The following TMEM196 variants were observed in gnomAD, a reference collection of about 807,000 sequenced individuals.
TMEM196 encodes the protein transmembrane protein 196.
Under a neutral mutation model 20.0 loss-of-function variants are expected in TMEM196, and 17 were observed. The ratio of observed to expected loss-of-function variants is 0.85; its 90% CI spans 0.58 to 1.27. The LOEUF is 1.27. Ranked by LOEUF, TMEM196 falls within the 50% of genes most tolerant of loss-of-function variation. The pLI is 0.00. For synonymous variants in TMEM196, 113 were observed against 88.9 expected, an observed-to-expected ratio of 1.27 and a Z score of -1.52; for missense variants, 267 against 223.0, an observed-to-expected ratio of 1.20 and a Z score of -1.26.
chr7:19,721,736 A>C lies in TMEM196; in HGVS notation c.*392T>G, dbSNP rs964884998. ...TGCACTTTTCAATTACTCATATGAA[A>C]TATGTCATTACAAATATAATAATCA... On this transcript the variant is annotated 3_prime_UTR_variant, in exon 5 of 5. Coordinates refer to ENST00000405844, the MANE Select transcript of TMEM196 (RefSeq NM_001363562.2). 1.6e-5 allele frequency: 3 copies of C among 182,150 alleles called. No homozygotes were observed. The highest frequency in any genetic ancestry group is 7.1e-5 in the African/African-American group (3 of 42,232). 11.3% of individuals were successfully genotyped at this position (182,150 alleles called of 1,614,324 possible).
chr7:19,745,917 A>T (rs74419808), intron 1 of TMEM196, among the ~76,000 whole-genome samples: 3,686 of 152,034 alleles, frequency 0.024, 71 homozygotes, highest in Middle Eastern at 0.065. Context: ...GATTTTAAAA[A>T]ATCAAATAAC....
intron 1 of TMEM196, among the ~76,000 whole-genome samples, chr7:19,744,190 T>C (rs1038199981): frequency 2.0e-5 from 3 of 152,220 alleles, no homozygotes; most frequent in African/African-American, 4.8e-5. Context: ...GTAACAGCTT[T>C]CAGCTTTCTC....
chr7:19,732,768 A>C (rs1180520666), intron 1 of TMEM196, among the ~76,000 whole-genome samples: 1 of 152,220 alleles, frequency 6.6e-6, no homozygotes, highest in Non-Finnish European at 1.5e-5. Flanking sequence ...TAATAAGAAC[A>C]TCAGTCAATT....
At chr7:19,764,053 C>CAGCT (rs1024856754) in intron 1 of TMEM196, among the ~76,000 whole-genome samples, 2 of 152,166 alleles carry the variant, frequency 1.3e-5, no homozygotes, top group Non-Finnish European at 2.9e-5. Flanking sequence ...ATATGCCAGC[C>CAGCT]AGCTGTGAGA....
At chr7:19,739,718 A>G (rs1355132687) in intron 1 of TMEM196, among the ~76,000 whole-genome samples, 1 of 152,210 alleles carries the variant, frequency 6.6e-6, no homozygotes, top group Non-Finnish European at 1.5e-5. Flanking sequence ...TCCCTGAAAT[A>G]CAAATGACTT....
rs200703464 is a variant in TMEM196 at position 19,725,600 on chromosome 7, T to C, written c.373A>G (p.Thr125Ala). The C allele has an allele frequency of 6.6e-5, 106 of 1,613,944 alleles. No individual in the cohort carries two copies. Among genetic ancestry groups the C allele is most frequent in the Non-Finnish European group, 8.6e-5 (102 of 1,179,986 alleles). The change falls in exon 3 of 5, where the codon ACT (threonine) becomes GCT (alanine). Residue 125 changes from threonine (T) to alanine (A), a missense_variant. Thr to Ala is a moderately conservative substitution (Grantham distance 58). Coordinates refer to ENST00000405844, the MANE Select transcript of TMEM196 (RefSeq NM_001363562.2). ...IGGCTLSSWL[T>A]CRLASYEQRR... ...TGTTCATAACTGGCTAGTCGACAAG[T>C]GAGCCAGGAAGAGAGAGTGCAGCCC...
intron 1 of TMEM196, among the ~76,000 whole-genome samples, chr7:19,764,797 T>C (rs1785560854): frequency 6.6e-6 from 1 of 152,130 alleles, no homozygotes; most frequent in Non-Finnish European, 1.5e-5. Context: ...TGCTTGTTGA[T>C]TGATTGACTG....
chr7:19,728,603 T>A (rs1201998044), intron 2 of TMEM196, among the ~76,000 whole-genome samples: 1 of 152,194 alleles, frequency 6.6e-6, no homozygotes, highest in Non-Finnish European at 1.5e-5. Context: ...GAAAACTCTC[T>A]TTAGGCTCAA....
chr7:19,761,511 A>G (rs1255455534), intron 1 of TMEM196, among the ~76,000 whole-genome samples: 1 of 152,216 alleles, frequency 6.6e-6, no homozygotes, highest in African/African-American at 2.4e-5. Context: ...AATAAAATGT[A>G]CAACAGACAC....
At chr7:19,762,083 T>A (rs1785457603) in intron 1 of TMEM196, among the ~76,000 whole-genome samples, 1 of 152,164 alleles carries the variant, frequency 6.6e-6, no homozygotes, top group Admixed American at 6.6e-5. Context: ...TGTTTCTGCT[T>A]CAAAAGTGAC....
At chr7:19,746,750 A>G (rs1232232189) in intron 1 of TMEM196, among the ~76,000 whole-genome samples, 1 of 152,190 alleles carries the variant, frequency 6.6e-6, no homozygotes, top group African/African-American at 2.4e-5. Context: ...CCACATACAA[A>G]TTTTGTATTT....
chr7:19,724,229 T>C (rs1347482696), intron 4 of TMEM196, 51 bp downstream of exon 4: 1 of 1,479,256 alleles, frequency 6.8e-7, no homozygotes, highest in Non-Finnish European at 9.2e-7. Flanking sequence ...GAAGGGGAAG[T>C]GCTTTCTGCA....
intron 1 of TMEM196, among the ~76,000 whole-genome samples, chr7:19,742,740 T>G (rs1030326405): frequency 2.0e-5 from 3 of 152,140 alleles, no homozygotes; most frequent in African/African-American, 7.2e-5. Context: ...CACAATAATT[T>G]TTCAAATAAT....
At chr7:19,748,489 G>A (rs866492069) in intron 1 of TMEM196, among the ~76,000 whole-genome samples, 6 of 152,010 alleles carry the variant, frequency 3.9e-5, no homozygotes, top group African/African-American at 1.2e-4. Context: ...GATTCTGTCC[G>A]CTTAAACGCA....
intron 1 of TMEM196, among the ~76,000 whole-genome samples, chr7:19,749,237 CCTT>C (rs1784871770): frequency 6.6e-6 from 1 of 151,992 alleles, no homozygotes; most frequent in Non-Finnish European, 1.5e-5. Context: ...GAGAAGCCAC[CCTT>C]CTTAGAAGTG....
At chr7:19,731,122 T>A (rs1784186746) in intron 1 of TMEM196, among the ~76,000 whole-genome samples, 2 of 151,994 alleles carry the variant, frequency 1.3e-5, no homozygotes, top group South Asian at 2.1e-4. Context: ...ATAGAAAAAA[T>A]TTAATTTTGA....
chr7:19,745,876 T>G (rs1409063899), intron 1 of TMEM196, among the ~76,000 whole-genome samples: 1 of 151,588 alleles, frequency 6.6e-6, no homozygotes, highest in Non-Finnish European at 1.5e-5. Flanking sequence ...AAAATTATGG[T>G]CTTTTGGCAT....
rs1783826467 is a variant in TMEM196 at position 19,721,926 on chromosome 7, G to C, written c.*202C>G. On this transcript the variant is annotated 3_prime_UTR_variant, in exon 5 of 5. Coordinates refer to ENST00000405844, the MANE Select transcript of TMEM196 (RefSeq NM_001363562.2). ...CCCATAAAAAAGGGTGGAGAAACCA[G>C]TGAGGCAATATATTTTTTAGGAAGA... 1.5e-6 allele frequency: 1 copy of C among 673,028 alleles called. No homozygotes were observed. Among genetic ancestry groups the C allele is most frequent in the Admixed American group, 3.7e-5 (1 of 26,762 alleles). 41.7% of individuals were successfully genotyped at this position (673,028 alleles called of 1,614,324 possible). A position where few individuals can be genotyped will look rare whatever the true frequency, so the allele number is the denominator to read the frequency against.
At chr7:19,766,223 A>G (rs545730421) in intron 1 of TMEM196, among the ~76,000 whole-genome samples, 16 of 152,304 alleles carry the variant, frequency 1.1e-4, no homozygotes, top group African/African-American at 2.9e-4. Context: ...ATTTAATTTT[A>G]ATGAAGTATA....
Sources: gnomAD v4.1 joint callset for allele counts (sites outside exome capture counted in the v4.1 genomes callset) on GRCh38, gnomAD v4.1.1 for gene constraint, MANE v1.5 for transcripts, NCBI Gene and HGNC (gene_info 2026-07-23, HGNC 2026-07-21) for gene names.